Variants in DIS3L2 observed in about 807,000 individuals in gnomAD.
DIS3L2 encodes the protein DIS3-like exonuclease 2.
Under a neutral mutation model 97.5 loss-of-function variants are expected in DIS3L2, and 34 were observed. The observed-to-expected ratio is 0.35, with a 90% CI of 0.27 to 0.46. DIS3L2 has a LOEUF of 0.46. Ranked by LOEUF, DIS3L2 falls within the 20% of genes least tolerant of loss-of-function variation. The probability of loss-of-function intolerance (pLI) is 1.00; values close to 1 mark genes in which losing one functional copy is unlikely to be tolerated. For synonymous variants in DIS3L2, 435 were observed against 445.2 expected (o/e 0.98, Z 0.29); for missense variants, 1,038 against 1,146.0 (o/e 0.91, Z 1.36).
At position 232,335,722 on chromosome 2, in the gene DIS3L2, C is replaced by T. The variant is rs759301709; in HGVS notation, c.2395-51C>T. 31 of 1,536,834 alleles carry T rather than the reference C, an allele frequency of 2.0e-5. No homozygotes were observed. In the Middle Eastern group the frequency reaches 7.9e-4, roughly 39 times the overall value. ...ATTGAAGCCCTCCAGGGTGGAAGGG[C>T]AGGCAGCAGCATCCAGAGCTGAGGC... is the stretch of plus-strand genomic sequence containing the variant. On this transcript the variant is annotated intron_variant, in intron 19 of 20. Transcript: ENST00000325385.
At chr2:232,277,327 G>T (rs1694166633) in intron 13 of DIS3L2, among the ~76,000 whole-genome samples, 2 of 152,164 alleles carry the variant, frequency 1.3e-5, no homozygotes, top group South Asian at 4.1e-4. Context: ...CTAGGCCAGA[G>T]TGCATCACAC....
chr2:232,278,827 A>G (rs1253560335), intron 13 of DIS3L2, among the ~76,000 whole-genome samples: 1 of 152,332 alleles, frequency 6.6e-6, no homozygotes, highest in East Asian at 1.9e-4. Flanking sequence ...AATATTTGGA[A>G]TAAGATTGCT....
intron 1 of DIS3L2, among the ~76,000 whole-genome samples, chr2:231,969,950 G>T (rs1285907585): frequency 6.6e-6 from 1 of 150,486 alleles, no homozygotes; most frequent in African/African-American, 2.4e-5. Flanking sequence ...ATGATCATAT[G>T]ATTTTTTTTT....
intron 11 of DIS3L2, among the ~76,000 whole-genome samples, chr2:232,246,474 C>G (rs535219871): frequency 6.6e-6 from 1 of 152,364 alleles, no homozygotes; most frequent in East Asian, 1.9e-4. Context: ...ATGCTTGAGC[C>G]TGGTGACAGT....
chr2:231,993,649 A>G (rs1559523197), intron 1 of DIS3L2, among the ~76,000 whole-genome samples: 1 of 152,168 alleles, frequency 6.6e-6, no homozygotes, highest in Non-Finnish European at 1.5e-5. Flanking sequence ...TTGTAGGTAA[A>G]TGGTGTCCAG....
At chr2:232,222,132 AG>A (rs776248069) in intron 10 of DIS3L2, among the ~76,000 whole-genome samples, 1 of 152,146 alleles carries the variant, frequency 6.6e-6, no homozygotes, top group Non-Finnish European at 1.5e-5. Context: ...TAGCAGAAAC[AG>A]GGTTTCACCA....
intron 5 of DIS3L2, among the ~76,000 whole-genome samples, chr2:232,056,095 G>T (rs1360255641): frequency 1.3e-5 from 2 of 152,146 alleles, no homozygotes; most frequent in Non-Finnish European, 2.9e-5. Flanking sequence ...AATAGGCCAG[G>T]CGTGATGCCT....
At chr2:231,981,610 A>ATTT (rs1693261265) in intron 1 of DIS3L2, among the ~76,000 whole-genome samples, 1 of 139,220 alleles carries the variant, frequency 7.2e-6, no homozygotes, top group African/African-American at 2.6e-5. Flanking sequence ...ATATATATAT[A>ATTT]TATATATATA....
intron 12 of DIS3L2, among the ~76,000 whole-genome samples, chr2:232,251,962 G>A (rs1693430085): frequency 6.6e-6 from 1 of 151,530 alleles, no homozygotes; most frequent in Non-Finnish European, 1.5e-5. Context: ...AATGAAGAAA[G>A]AGGAAGACAT....
intron 4 of DIS3L2, among the ~76,000 whole-genome samples, chr2:232,026,251 T>A (rs1694652962): frequency 6.6e-6 from 1 of 152,082 alleles, no homozygotes; most frequent in African/African-American, 2.4e-5. Flanking sequence ...AATATATTAT[T>A]CTATATATTC....
rs1695676238 is a variant in DIS3L2, at chr2:232,329,724, T to C, written c.1740-89T>C. On this transcript the variant is annotated intron_variant, in intron 14 of 20. Coordinates refer to ENST00000325385, the MANE Select transcript of DIS3L2 (RefSeq NM_152383.5). Reference sequence around the variant, plus strand: ...AAGCTGAGACCTGAAGGGTGATTGATAGAGAGCCAGGCCGGCTGCAGCGTG... The same window carrying C: ...AAGCTGAGACCTGAAGGGTGATTGACAGAGAGCCAGGCCGGCTGCAGCGTG... 4 of 1,314,704 alleles carry C rather than the reference T, an allele frequency of 3.0e-6. No individual in the cohort carries two copies. The African/African-American group carries it at 4.5e-5, about 15-fold the overall frequency. The allele number at this position is 1,314,704 out of a possible 1,614,324, so 81.4% of individuals were successfully genotyped here.
At chr2:232,078,378 TC>T (rs967082069) in intron 5 of DIS3L2, among the ~76,000 whole-genome samples, 1 of 151,724 alleles carries the variant, frequency 6.6e-6, no homozygotes, top group Non-Finnish European at 1.5e-5. Flanking sequence ...GATATGCCCT[TC>T]CCCCCCGCCC....
At chr2:231,984,769 G>A (rs1693365531) in intron 1 of DIS3L2, among the ~76,000 whole-genome samples, 1 of 151,944 alleles carries the variant, frequency 6.6e-6, no homozygotes, top group Non-Finnish European at 1.5e-5. Context: ...ACATGCGTGC[G>A]CCACGGCACC....
At chr2:232,071,534 A>C (rs1696018397) in intron 5 of DIS3L2, among the ~76,000 whole-genome samples, 1 of 152,110 alleles carries the variant, frequency 6.6e-6, no homozygotes, top group African/African-American at 2.4e-5. Flanking sequence ...AAAAAAGAAA[A>C]AAAAAAAAGA....
In DIS3L2 at chr2:232,172,129, G is replaced by A. The variant is rs185007812; in HGVS notation, c.1124+8497G>A. Among the ~76,000 whole-genome samples, 365 of 149,188 alleles carry A rather than the reference G, an allele frequency of 2.4e-3. 2 individuals carry two copies. The highest frequency in any genetic ancestry group is 4.4e-3 in the Non-Finnish European group (294 of 66,698). On this transcript the variant is annotated intron_variant, in intron 9 of 20. Coordinates refer to ENST00000325385, the MANE Select transcript of DIS3L2 (RefSeq NM_152383.5). ...GGAGTATAGAGATAACTAAATGTCA[G>A]GGTGGCAAAGTCTGTTTTTTATATT...
At chr2:232,070,343 T>A (rs1456713059) in intron 5 of DIS3L2, among the ~76,000 whole-genome samples, 1 of 36,036 alleles carries the variant, frequency 2.8e-5, no homozygotes, top group African/African-American at 5.4e-5. Flanking sequence ...TTCCTGCCTT[T>A]TTGTTTGTTT....
chr2:231,970,591 G>GTA (rs1692877432), intron 1 of DIS3L2, among the ~76,000 whole-genome samples: 1 of 152,164 alleles, frequency 6.6e-6, no homozygotes, highest in South Asian at 2.1e-4. Flanking sequence ...TGGTACACCT[G>GTA]TATAGGGCAT....
intron 14 of DIS3L2, chr2:232,307,516 TG>T (rs755969558): frequency 4.1e-5 from 6 of 147,606 alleles, no homozygotes; most frequent in Admixed American, 1.4e-4. Context: ...AGTTTTTTTT[TG>T]CCATTTTTTG....
intron 5 of DIS3L2, among the ~76,000 whole-genome samples, chr2:232,076,553 G>T (rs1212538828): frequency 6.6e-6 from 1 of 152,082 alleles, no homozygotes; most frequent in East Asian, 1.9e-4. Context: ...CATCTTTATT[G>T]CTACATGGCA....
Sources: gnomAD v4.1 joint callset for allele counts (sites outside exome capture counted in the v4.1 genomes callset) on GRCh38, gnomAD v4.1.1 for gene constraint, MANE v1.5 for transcripts, NCBI Gene and HGNC (gene_info 2026-07-23, HGNC 2026-07-21) for gene names.